SLC24A3: variants seen among roughly 807,000 people sequenced by gnomAD.
SLC24A3 encodes the protein solute carrier family 24 member 3.
SLC24A3 carries 28 observed loss-of-function variants against 75.8 expected under a neutral mutation model. The observed-to-expected ratio is 0.37, with a 90% CI of 0.27 to 0.51. SLC24A3 has a LOEUF of 0.51. Among genes scored for constraint, SLC24A3 ranks in the 20% least tolerant of loss-of-function variants. The pLI is 0.94. For missense variants in SLC24A3, 663 were observed against 847.8 expected, an observed-to-expected ratio of 0.78 and a Z score of 2.71; for synonymous variants, 372 against 334.1, an observed-to-expected ratio of 1.11 and a Z score of -1.24.
chr20:19,632,195 G>T (rs1446360000), intron 6 of SLC24A3, among the ~76,000 whole-genome samples: 1 of 152,102 alleles, frequency 6.6e-6, no homozygotes, highest in African/African-American at 2.4e-5. Context: ...CCTGGTGCCT[G>T]GCATGCGAAG....
intron 2 of SLC24A3, among the ~76,000 whole-genome samples, chr20:19,343,566 A>G (rs1568594951): frequency 1.3e-5 from 2 of 151,162 alleles, no homozygotes; most frequent in Admixed American, 6.6e-5. Flanking sequence ...TTGAAGGAGA[A>G]AAAAAAAATG....
chr20:19,503,712 T>G (rs11907960), intron 2 of SLC24A3, among the ~76,000 whole-genome samples: 10,385 of 152,246 alleles, frequency 0.068, 1,051 homozygotes, highest in African/African-American at 0.23. Context: ...TCAATATTTT[T>G]TGTCTGCTTA....
intron 2 of SLC24A3, among the ~76,000 whole-genome samples, chr20:19,406,227 TGAGA>T (rs372337464): frequency 1.3e-5 from 2 of 151,410 alleles, no homozygotes; most frequent in African/African-American, 2.4e-5. Context: ...TGTGTGTGTG[TGAGA>T]GAGAGAGAAA....
intron 2 of SLC24A3, among the ~76,000 whole-genome samples, chr20:19,495,853 C>T (rs1381793766): frequency 6.6e-6 from 1 of 152,242 alleles, no homozygotes; most frequent in East Asian, 1.9e-4. Flanking sequence ...CCCCAGATTT[C>T]AGGCTGGGCA....
At chr20:19,531,448 G>T (rs939578858) in intron 3 of SLC24A3, among the ~76,000 whole-genome samples, 6 of 152,202 alleles carry the variant, frequency 3.9e-5, no homozygotes, top group Admixed American at 2.0e-4. Flanking sequence ...AGGAGAACTG[G>T]CATTGACTGG....
At chr20:19,671,045 A>C (rs984512552) in intron 8 of SLC24A3, among the ~76,000 whole-genome samples, 1 of 152,244 alleles carries the variant, frequency 6.6e-6, no homozygotes, top group African/African-American at 2.4e-5. Context: ...TAAACAAGAT[A>C]ATCACAGACT....
chr20:19,216,950 C>T (rs2122126383), intron 1 of SLC24A3, among the ~76,000 whole-genome samples: 1 of 152,306 alleles, frequency 6.6e-6, no homozygotes, highest in South Asian at 2.1e-4. Flanking sequence ...TCATCTGAAG[C>T]AACACCTCTC....
At chr20:19,230,608 A>G (rs955810185) in intron 1 of SLC24A3, among the ~76,000 whole-genome samples, 4 of 134,792 alleles carry the variant, frequency 3.0e-5, no homozygotes, top group Middle Eastern at 3.6e-3. Flanking sequence ...ATGGATGGGT[A>G]TAGAAAGACA....
chr20:19,590,870 T>A, intron 6 of SLC24A3, among the ~76,000 whole-genome samples: 1 of 152,126 alleles, frequency 6.6e-6, no homozygotes, highest in East Asian at 1.9e-4. Context: ...CAGGCTCAGC[T>A]CTCATCACGT....
chr20:19,374,715 A>G (rs930574384), intron 2 of SLC24A3, among the ~76,000 whole-genome samples: 1 of 152,198 alleles, frequency 6.6e-6, no homozygotes, highest in Non-Finnish European at 1.5e-5. Flanking sequence ...TGTCTGAATC[A>G]CAGCTCTGAT....
intron 2 of SLC24A3, among the ~76,000 whole-genome samples, chr20:19,488,031 A>G (rs1600249946): frequency 6.6e-6 from 1 of 152,232 alleles, no homozygotes; most frequent in East Asian, 1.9e-4. Context: ...ATGTTACCAC[A>G]TCCCAAATAG....
intron 1 of SLC24A3, among the ~76,000 whole-genome samples, chr20:19,215,236 AGTG>A (rs1981521805): frequency 6.6e-6 from 1 of 152,214 alleles, no homozygotes; most frequent in Non-Finnish European, 1.5e-5. Context: ...CACACTACCT[AGTG>A]GTCCTTTGGT....
intron 6 of SLC24A3, among the ~76,000 whole-genome samples, chr20:19,599,013 T>C (rs2031488660): frequency 6.6e-6 from 1 of 152,156 alleles, no homozygotes; most frequent in Admixed American, 6.5e-5. Flanking sequence ...TACTGGGAAC[T>C]CAGTTGAGTC....
chr20:19,219,349 C>A (rs371554540), intron 1 of SLC24A3, among the ~76,000 whole-genome samples: 1 of 152,156 alleles, frequency 6.6e-6, no homozygotes, highest in African/African-American at 2.4e-5. Context: ...CCTGCCCGGA[C>A]CCCAGTTGCG....
Position 19,477,782 on chromosome 20 carries a change from C to T in SLC24A3, c.272-37706C>T, listed in dbSNP as rs117443936. 3.8e-3 allele frequency among the ~76,000 whole-genome samples: 573 copies of T among 152,256 alleles called. 2 individuals are homozygous for T. Among genetic ancestry groups the T allele is most frequent in the Non-Finnish European group, 6.2e-3 (422 of 68,016 alleles). On this transcript the variant is annotated intron_variant, in intron 2 of 16. Coordinates refer to ENST00000328041, the MANE Select transcript of SLC24A3 (RefSeq NM_020689.4). ...ATTTCTCCCATTTGCCAGTCTTACA[C>T]GTGAATATAGTATACACTGTACCTA...
rs149828501 is a variant in SLC24A3 at position 19,561,830 on chromosome 20, C to A, written c.349-18170C>A. On this transcript the variant is annotated intron_variant, in intron 3 of 16. Transcript: ENST00000328041. The stretch of plus-strand genomic sequence containing the variant: ...AAGCCTTAGTGAGGTCAAAATAGCT[C>A]GAGTCATACAGCTGAAATATGGACC... Among the ~76,000 whole-genome samples the A allele has an allele frequency of 1.6e-3, 236 of 152,216 alleles. 1 individual carries two copies. Among genetic ancestry groups the A allele is most frequent in the African/African-American group, 5.4e-3 (226 of 41,534 alleles).
intron 2 of SLC24A3, among the ~76,000 whole-genome samples, chr20:19,326,749 G>T (rs1022992945): frequency 2.0e-5 from 3 of 151,860 alleles, no homozygotes; most frequent in Non-Finnish European, 4.4e-5. Flanking sequence ...GCTAATGTTT[G>T]TACTTTTATT....
At chr20:19,449,445 A>G (rs1441327253) in intron 2 of SLC24A3, among the ~76,000 whole-genome samples, 1 of 152,188 alleles carries the variant, frequency 6.6e-6, no homozygotes, top group East Asian at 1.9e-4. Context: ...AGGAAGATCA[A>G]CCTGACAGAG....
In SLC24A3 at chr20:19,685,175, A is replaced by G; in HGVS notation, c.1138A>G (p.Thr380Ala). Residue 380 changes from threonine to alanine, a missense_variant, in exon 12 of 17, where the codon ACC becomes GCC. Coordinates refer to ENST00000328041, the MANE Select transcript of SLC24A3 (RefSeq NM_020689.4). Reference protein sequence around the residue: ...EVAIKIPIKHTVENGTGPSSA... With the variant: ...EVAIKIPIKHAVENGTGPSSA... ...GGCCATCAAAATCCCAATTAAGCAC[A>G]CCGTGGAGAATGGGACAGGGCCCAG... 6.2e-7 allele frequency: 1 copy of G among 1,614,134 alleles called. No individual in the cohort carries two copies. The highest frequency in any genetic ancestry group is 1.7e-5 in the Admixed American group (1 of 60,020).
Sources: gnomAD v4.1 joint callset for allele counts (sites outside exome capture counted in the v4.1 genomes callset) on GRCh38, gnomAD v4.1.1 for gene constraint, MANE v1.5 for transcripts, NCBI Gene and HGNC (gene_info 2026-07-23, HGNC 2026-07-21) for gene names.